The following TICRR variants were observed in gnomAD, a reference collection of about 807,000 sequenced individuals.
TICRR encodes TOPBP1 interacting checkpoint and replication regulator, also known as treslin.
TICRR carries 132 observed loss-of-function variants against 178.1 expected under a neutral mutation model. The ratio of observed to expected loss-of-function variants is 0.74; its 90% CI spans 0.64 to 0.86. The LOEUF (loss-of-function observed/expected upper bound fraction) is 0.86. TICRR is among the 40% of genes least tolerant of loss of function. The pLI is 0.00. For synonymous variants in TICRR, 991 were observed against 900.7 expected (o/e 1.10, Z -1.79); for missense variants, 2,587 against 2,334.3 (o/e 1.11, Z -2.23).
Position 89,627,672 on chromosome 15 carries a change from G to A in TICRR, c.*586G>A, listed in dbSNP as rs1044694505. 1.3e-5 allele frequency: 2 copies of A among 153,490 alleles called. No individual in the cohort carries two copies. Among genetic ancestry groups the A allele is most frequent in the Non-Finnish European group, 2.9e-5 (2 of 68,944 alleles). 9.5% of individuals were successfully genotyped at this position (153,490 alleles called of 1,614,324 possible). A position where few individuals can be genotyped will look rare whatever the true frequency, so the allele number is the denominator to read the frequency against. ...CCATGGTCCAGCTTGAGTGGCTTCT[G>A]GAGCAGCCACATTTTCAAGGACTGT... On this transcript the variant is annotated 3_prime_UTR_variant, in exon 22 of 22. Transcript: ENST00000268138.
chr15:89,625,528 C>T lies in TICRR; in HGVS notation c.5218C>T (p.Leu1740Phe), dbSNP rs778186537. ...HRTPILEDFE[L>F]EGVCQLPDQS... The stretch of plus-strand genomic sequence containing the variant: ...GACGCCCATCTTGGAGGATTTTGAG[C>T]TCGAGGGAGTGTGCCAGCTCCCAGA... Residue 1740 changes from leucine (L) to phenylalanine (F), a missense_variant, in exon 20 of 22, where the codon CTC (leucine) becomes TTC (phenylalanine). Physicochemically the swap from Leu to Phe is conservative, Grantham distance 22. Transcript: ENST00000268138. 2.5e-6 allele frequency: 4 copies of T among 1,613,536 alleles called. No homozygotes were observed. The highest frequency in any genetic ancestry group is 3.4e-6 in the Non-Finnish European group (4 of 1,180,024).
At chr15:89,599,068 T>C (rs1288941894) in intron 7 of TICRR, among the ~76,000 whole-genome samples, 1 of 152,002 alleles carries the variant, frequency 6.6e-6, no homozygotes, top group Non-Finnish European at 1.5e-5. Flanking sequence ...CTCTGGACTA[T>C]TGACATTTTA....
chr15:89,592,051 TCCTGTTCCAGAGTGGGC>T lies in TICRR; in HGVS notation c.1419_1435del (p.Val474AlafsTer22). ...GCTGCTCCTTTGCTCCAATAGCTTC[TCCTGTTCCAGAGTGGGC>T]CCAGCAGGAGCTTGGCCACACCACT... On this transcript the variant is annotated frameshift_variant, in exon 5 of 22. Coordinates refer to ENST00000268138, the MANE Select transcript of TICRR (RefSeq NM_152259.4). LOFTEE classifies it high-confidence loss of function. The T allele has an allele frequency of 6.2e-7, 1 of 1,607,314 alleles. No individual in the cohort carries two copies. Among genetic ancestry groups the T allele is most frequent in the Non-Finnish European group, 8.5e-7 (1 of 1,174,942 alleles).
Position 89,575,876 on chromosome 15 carries a change from C to T in TICRR, c.290C>T (p.Ala97Val). Reference sequence around the variant, plus strand: ...CACCTGCCCGGCCCGGCGCCCAGGGCCACCCACACGCACGGCGCCCTGATG... The same window carrying T: ...CACCTGCCCGGCCCGGCGCCCAGGGTCACCCACACGCACGGCGCCCTGATG... Reference protein sequence around the residue: ...RAHLPGPAPRATHTHGALMET... With the variant: ...RAHLPGPAPRVTHTHGALMET... Residue 97 changes from alanine (A) to valine (V), a missense_variant, in exon 1 of 22, where the codon GCC becomes GTC. Transcript: ENST00000268138. 1 of 1,586,560 alleles carries T rather than the reference C, an allele frequency of 6.3e-7. No homozygotes were observed. The highest frequency in any genetic ancestry group is 1.8e-5 in the Admixed American group (1 of 56,670).
intron 19 of TICRR, among the ~76,000 whole-genome samples, chr15:89,623,386 A>T (rs1222615651): frequency 6.6e-6 from 1 of 152,266 alleles, no homozygotes; most frequent in Non-Finnish European, 1.5e-5. Flanking sequence ...TAGATTATTA[A>T]AATTATTTGT....
rs202229337 is a variant in TICRR at position 89,624,668 on chromosome 15, C to T, written c.4358C>T (p.Ser1453Phe). 5.8e-5 allele frequency: 93 copies of T among 1,614,094 alleles called. No individual in the cohort carries two copies. In the African/African-American group the frequency reaches 6.0e-4, roughly 10 times the overall value. ...CTCAGGAGTGATTGGCATGCATCCT[C>T]TCCTCTGCTCATTACAAGTGACACA... ...PGLRSDWHAS[S>F]PLLITSDTEH... The change falls in exon 20 of 22, where the codon TCT (serine) becomes TTT (phenylalanine). Residue 1453 changes from serine to phenylalanine, a missense_variant. Coordinates refer to ENST00000268138, the MANE Select transcript of TICRR (RefSeq NM_152259.4).
intron 15 of TICRR, among the ~76,000 whole-genome samples, chr15:89,614,992 C>A (rs560503838): frequency 1.2e-4 from 18 of 152,294 alleles, no homozygotes; most frequent in Admixed American, 7.2e-4. Flanking sequence ...TCAAGTCTAT[C>A]CTCGGCACAT....
Position 89,624,228 on chromosome 15 carries a change from T to TA in TICRR, c.3919dup (p.Thr1307AsnfsTer12). 6.2e-7 allele frequency: 1 copy of TA among 1,614,188 alleles called. No individual in the cohort carries two copies. The highest frequency in any genetic ancestry group is 8.5e-7 in the Non-Finnish European group (1 of 1,180,052). On this transcript the variant is annotated frameshift_variant, in exon 20 of 22. Coordinates refer to ENST00000268138, the MANE Select transcript of TICRR (RefSeq NM_152259.4). LOFTEE classifies it high-confidence loss of function. Reference sequence around the variant, plus strand: ...CAACTGTGACTTCTTCCCCACCTGTTACGCCAAAGAAACTGTTTACCTCTC... The same window carrying TA: ...CAACTGTGACTTCTTCCCCACCTGTTAACGCCAAAGAAACTGTTTACCTCTC...
intron 3 of TICRR, among the ~76,000 whole-genome samples, 174 bp from the exon 4 acceptor site, chr15:89,585,534 G>T (rs745975159): frequency 6.6e-6 from 1 of 151,722 alleles, no homozygotes; most frequent in Non-Finnish European, 1.5e-5. Flanking sequence ...GAAATATGAG[G>T]ACTCTGTGAT....
At chr15:89,602,970 CT>C (rs1363681488) in intron 13 of TICRR, 78 bp downstream of exon 13, 1 of 602,088 alleles carries the variant, frequency 1.7e-6, no homozygotes, top group Admixed American at 4.1e-5. Context: ...GGAAAATGAA[CT>C]TTGGAGGATA....
intron 5 of TICRR, among the ~76,000 whole-genome samples, chr15:89,592,776 G>C (rs1180551444): frequency 6.6e-6 from 1 of 152,212 alleles, no homozygotes; most frequent in Non-Finnish European, 1.5e-5. Context: ...CGATATGGCA[G>C]AAATTCAAAC....
chr15:89,595,569 T>A lies in TICRR; in HGVS notation c.1858T>A (p.Leu620Met). 1 of 1,614,086 alleles carries A rather than the reference T, an allele frequency of 6.2e-7. No individual in the cohort carries two copies. Among genetic ancestry groups the A allele is most frequent in the Non-Finnish European group, 8.5e-7 (1 of 1,179,998 alleles). ...ACCTAGTGGGAGAACAGTGGATAAA[T>A]TGGAAGACAGAGGAAGAACACTAAG... ...KIPSGRTVDK[L>M]EDRGRTLRSS... The change falls in exon 7 of 22, where the codon TTG becomes ATG. Residue 620 changes from leucine to methionine, a missense_variant. Physicochemically the swap from Leu to Met is conservative, Grantham distance 15. Transcript: ENST00000268138.
chr15:89,592,597 G>A (rs1384258857), intron 5 of TICRR, among the ~76,000 whole-genome samples: 1 of 152,012 alleles, frequency 6.6e-6, no homozygotes, highest in African/African-American at 2.4e-5. Flanking sequence ...AACATGAGAA[G>A]TAAATAAGAA....
chr15:89,575,541 G>A lies in TICRR; in HGVS notation c.-46G>A. 2.8e-6 allele frequency: 4 copies of A among 1,442,320 alleles called. No homozygotes were observed. The highest frequency in any genetic ancestry group is 3.6e-6 in the Non-Finnish European group (4 of 1,105,096). 89.3% of individuals were successfully genotyped at this position (1,442,320 alleles called of 1,614,324 possible). A position where few individuals can be genotyped will look rare whatever the true frequency, so the allele number is the denominator to read the frequency against. On this transcript the variant is annotated 5_prime_UTR_variant, in exon 1 of 22. The change creates a new upstream start codon in the 5' untranslated region. Transcript: ENST00000268138. The stretch of plus-strand genomic sequence containing the variant: ...CCCTGAAGGAAGGGACTAAGGGACG[G>A]TGGCGCGGGCCCGGACCGGGGCCCC...
At chr15:89,602,046 C>T in intron 12 of TICRR, 70 bp downstream of exon 12, 2 of 1,559,332 alleles carry the variant, frequency 1.3e-6, no homozygotes, top group Admixed American at 1.8e-5. Context: ...GTTTAAACTA[C>T]AGTCCAGTCA....
At chr15:89,604,870 T>C (rs1963151912) in intron 13 of TICRR, among the ~76,000 whole-genome samples, 2 of 151,984 alleles carry the variant, frequency 1.3e-5, no homozygotes, top group Non-Finnish European at 2.9e-5. Flanking sequence ...ATTGTTTAAC[T>C]GAAAGGACCA....
rs753504306 is a variant in TICRR at position 89,601,338 on chromosome 15, C to T, written c.2194C>T (p.Gln732Ter). 6.2e-7 allele frequency: 1 copy of T among 1,614,112 alleles called. No individual in the cohort carries two copies. The highest frequency in any genetic ancestry group is 8.5e-7 in the Non-Finnish European group (1 of 1,180,026). Residue 732 changes from glutamine to a stop codon, truncating the protein, a stop_gained, in exon 10 of 22, where the codon CAA becomes TAA. Transcript: ENST00000268138. LOFTEE classifies it high-confidence loss of function. ...ATTTCTTCGTTTGGAGATGTGTCTG[C>T]AATGCCCTTCAATAAATGAAAGTAC... ...QVFLRLEMCL[Q>*]CPSINESTDD...
At chr15:89,606,660 A>T in intron 13 of TICRR, 108 bp from the exon 14 acceptor site, 2 of 835,474 alleles carry the variant, frequency 2.4e-6, no homozygotes, top group Non-Finnish European at 4.0e-6. Flanking sequence ...TCTATTATGG[A>T]TCCCTATAAA....
chr15:89,594,473 A>C lies in TICRR; in HGVS notation c.1600A>C (p.Ile534Leu), dbSNP rs1962963460. 6.2e-7 allele frequency: 1 copy of C among 1,612,920 alleles called. No individual in the cohort carries two copies. Among genetic ancestry groups the C allele is most frequent in the African/African-American group, 1.3e-5 (1 of 74,846 alleles). ...EESSKTEGEL[I>L]HCLAELYQRK... The stretch of plus-strand genomic sequence containing the variant: ...GTCTTCCAAAACTGAAGGCGAATTA[A>C]TACATTGCCTTGCCGAGCTCTACCA... The change falls in exon 6 of 22, where the codon ATA becomes CTA. Residue 534 changes from isoleucine to leucine, a missense_variant. Coordinates refer to ENST00000268138, the MANE Select transcript of TICRR (RefSeq NM_152259.4).
Sources: allele counts gnomAD v4.1 joint callset (sites outside exome capture counted in the v4.1 genomes callset), GRCh38; gene constraint gnomAD v4.1.1; transcripts MANE v1.5; gene names NCBI Gene and HGNC (gene_info 2026-07-23, HGNC 2026-07-21).